ATRNL1: variants seen among roughly 807,000 people sequenced by gnomAD.
ATRNL1 encodes the protein attractin like 1.
ATRNL1 carries 95 observed loss-of-function variants against 182.7 expected under a neutral mutation model. The ratio of observed to expected loss-of-function variants is 0.52; its 90% confidence interval spans 0.44 to 0.62. The LOEUF is 0.62. ATRNL1 is among the 20% of genes least tolerant of loss of function. The pLI is 0.00. For missense variants in ATRNL1, 1,471 were observed against 1,679.5 expected, an observed-to-expected ratio of 0.88 and a Z score of 2.17; for synonymous variants, 576 against 568.3, an observed-to-expected ratio of 1.01 and a Z score of -0.19.
At chr10:115,468,168 C>T (rs1848142320) in intron 23 of ATRNL1, among the ~76,000 whole-genome samples, 2 of 150,632 alleles carry the variant, frequency 1.3e-5, no homozygotes, top group African/African-American at 4.8e-5. Flanking sequence ...AATGTTGGCA[C>T]TATGGGTTTC....
At chr10:115,944,421 G>A (rs1424349017) in intron 28 of ATRNL1, among the ~76,000 whole-genome samples, 3 of 152,022 alleles carry the variant, frequency 2.0e-5, no homozygotes, top group African/African-American at 7.2e-5. Flanking sequence ...TGATTTGATT[G>A]TTCCAAGTCA....
intron 28 of ATRNL1, among the ~76,000 whole-genome samples, chr10:115,900,596 A>C (rs1952325336): frequency 6.6e-6 from 1 of 151,646 alleles, no homozygotes; most frequent in South Asian, 2.1e-4. Context: ...CAACAACCCC[A>C]TGAGACAAGT....
chr10:115,772,595 GTC>G lies in ATRNL1; in HGVS notation c.3903+45242_3903+45243del, dbSNP rs201807708. Among the ~76,000 whole-genome samples, 753 of 138,926 alleles carry G rather than the reference GTC, an allele frequency of 5.4e-3. 4 individuals carry two copies. Among genetic ancestry groups the G allele is most frequent in the Middle Eastern group, 0.011 (3 of 280 alleles). 91.1% of individuals were successfully genotyped at this position (138,926 alleles called of 152,430 possible). ...TATAAATATACAAAATATATACTCT[GTC>G]TGTGTGTGTGTGTGTGTGTGTGTGT... On this transcript the variant is annotated intron_variant, in intron 27 of 28. Coordinates refer to ENST00000355044, the MANE Select transcript of ATRNL1 (RefSeq NM_207303.4).
intron 3 of ATRNL1, among the ~76,000 whole-genome samples, chr10:115,125,234 T>C (rs1844914514): frequency 6.6e-6 from 1 of 152,224 alleles, no homozygotes; most frequent in Non-Finnish European, 1.5e-5. Flanking sequence ...TTAGTTTATT[T>C]AATCCTCAAA....
chr10:115,576,809 C>A lies in ATRNL1; in HGVS notation c.3795+27273C>A, dbSNP rs148970467. Reference sequence around the variant, plus strand: ...TGTGATACCCAAAAAAATTATTTCCCAGGTTTATATCAGAGAGCTTTTCCT... The same window carrying A: ...TGTGATACCCAAAAAAATTATTTCCAAGGTTTATATCAGAGAGCTTTTCCT... On this transcript the variant is annotated intron_variant, in intron 26 of 28. Coordinates refer to ENST00000355044, the MANE Select transcript of ATRNL1 (RefSeq NM_207303.4). Among the ~76,000 whole-genome samples, 24 of 152,018 alleles carry A rather than the reference C, an allele frequency of 1.6e-4. No individual in the cohort carries two copies. In the East Asian group the frequency reaches 4.6e-3, roughly 29 times the overall value.
chr10:115,700,241 T>C (rs1193591258), intron 26 of ATRNL1, among the ~76,000 whole-genome samples: 1 of 152,208 alleles, frequency 6.6e-6, no homozygotes, highest in African/African-American at 2.4e-5. Flanking sequence ...AGTTCTGTTT[T>C]AAGTTCTTTG....
At chr10:115,469,388 C>A in intron 24 of ATRNL1, 59 bp downstream of exon 24, 1 of 1,139,532 alleles carries the variant, frequency 8.8e-7, no homozygotes, top group Non-Finnish European at 1.2e-6. Context: ...AAGAATGGTG[C>A]TTTTGTCCAA....
intron 24 of ATRNL1, among the ~76,000 whole-genome samples, chr10:115,483,483 T>C (rs961873852): frequency 2.0e-5 from 3 of 151,588 alleles, no homozygotes; most frequent in African/African-American, 7.2e-5. Flanking sequence ...ATTTTATTGG[T>C]CATTTGTGCA....
chr10:115,902,437 A>G (rs1453498574), intron 28 of ATRNL1, among the ~76,000 whole-genome samples: 1 of 152,142 alleles, frequency 6.6e-6, no homozygotes, highest in Non-Finnish European at 1.5e-5. Context: ...TAGTGCATTC[A>G]TTTATTTTTT....
chr10:115,735,023 A>C (rs2134081292), intron 27 of ATRNL1, among the ~76,000 whole-genome samples: 1 of 152,220 alleles, frequency 6.6e-6, no homozygotes, highest in Admixed American at 6.5e-5. Context: ...TACCTTTGTT[A>C]AGTTCTATGA....
intron 27 of ATRNL1, among the ~76,000 whole-genome samples, chr10:115,831,596 C>T (rs1259751741): frequency 6.6e-6 from 1 of 152,032 alleles, no homozygotes; most frequent in Non-Finnish European, 1.5e-5. Context: ...TACCAAGAGC[C>T]CAGGAGTCAG....
chr10:115,399,638 A>G (rs1273436964), intron 20 of ATRNL1, among the ~76,000 whole-genome samples: 1 of 151,516 alleles, frequency 6.6e-6, no homozygotes, highest in Admixed American at 6.6e-5. Flanking sequence ...TGATCTTTTT[A>G]TCTTTTGTGT....
At chr10:115,149,876 C>CTTTT (rs57382865) in intron 5 of ATRNL1, among the ~76,000 whole-genome samples, 1 of 123,282 alleles carries the variant, frequency 8.1e-6, no homozygotes, top group African/African-American at 2.9e-5. Flanking sequence ...TCTCCTTTTC[C>CTTTT]TTTTTTTTTT....
At chr10:115,636,485 C>G (rs1858880401) in intron 26 of ATRNL1, among the ~76,000 whole-genome samples, 1 of 152,146 alleles carries the variant, frequency 6.6e-6, no homozygotes, top group African/African-American at 2.4e-5. Flanking sequence ...GGAACCACAG[C>G]CCACCATAGT....
At chr10:115,839,877 A>G (rs570095111) in intron 27 of ATRNL1, among the ~76,000 whole-genome samples, 4 of 152,282 alleles carry the variant, frequency 2.6e-5, no homozygotes, top group African/African-American at 9.6e-5. Context: ...TTAATGAATG[A>G]CATAATGTGT....
chr10:115,777,559 G>A (rs1159222097), intron 27 of ATRNL1, among the ~76,000 whole-genome samples: 5 of 152,120 alleles, frequency 3.3e-5, no homozygotes, highest in Non-Finnish European at 5.9e-5. Context: ...GGTATTTGAT[G>A]TATTTTAAGA....
At chr10:115,734,860 AATTT>A (rs2134080934) in intron 27 of ATRNL1, among the ~76,000 whole-genome samples, 1 of 152,210 alleles carries the variant, frequency 6.6e-6, no homozygotes, top group South Asian at 2.1e-4. Flanking sequence ...CATGTTATAA[AATTT>A]ATTTATTTTA....
In ATRNL1 at chr10:115,668,862, C is replaced by T. The variant is rs564248743; in HGVS notation, c.3796-58386C>T. On this transcript the variant is annotated intron_variant, in intron 26 of 28. Coordinates refer to ENST00000355044, the MANE Select transcript of ATRNL1 (RefSeq NM_207303.4). ...TTGTTTTAACAATTGAAATTTAAAC[C>T]AGATGGTCATATGATTACTCAGTGT... 2.8e-4 allele frequency among the ~76,000 whole-genome samples: 42 copies of T among 152,030 alleles called. 1 individual carries two copies. The South Asian group carries it at 8.3e-3, about 30-fold the overall frequency.
chr10:115,550,406 A>C (rs1384564742), intron 26 of ATRNL1, among the ~76,000 whole-genome samples: 2 of 152,016 alleles, frequency 1.3e-5, no homozygotes, highest in Middle Eastern at 3.4e-3. Context: ...TAATATTTAA[A>C]GACATGTAAA....
Sources: allele counts gnomAD v4.1 joint callset (sites outside exome capture counted in the v4.1 genomes callset), GRCh38; gene constraint gnomAD v4.1.1; transcripts MANE v1.5; gene names NCBI Gene and HGNC (gene_info 2026-07-23, HGNC 2026-07-21).